Variants in PIWIL3 observed in about 807,000 individuals in gnomAD.
The protein encoded by PIWIL3 is piwi like RNA-mediated gene silencing 3.
PIWIL3 carries 101 observed loss-of-function variants against 109.7 expected under a neutral mutation model. The observed-to-expected ratio is 0.92, with a 90% CI of 0.78 to 1.09. PIWIL3 has a LOEUF of 1.09. Among genes scored for constraint, PIWIL3 ranks in the 50% least tolerant of loss-of-function variants. The pLI, the probability that PIWIL3 is intolerant of heterozygous loss-of-function variation, is 0.00. For synonymous variants in PIWIL3, 373 were observed against 376.4 expected, an observed-to-expected ratio of 0.99 and a Z score of 0.10; for missense variants, 1,031 against 1,072.6, an observed-to-expected ratio of 0.96 and a Z score of 0.54.
At chr22:24,769,340 C>CCATA (rs1925988450) in intron 1 of PIWIL3, among the ~76,000 whole-genome samples, 4 of 152,332 alleles carry the variant, frequency 2.6e-5, no homozygotes, top group Admixed American at 2.6e-4. Context: ...CGGCCAGGCG[C>CCATA]CATAGTTCAT....
At chr22:24,757,327 C>T (rs2147709441) in intron 4 of PIWIL3, among the ~76,000 whole-genome samples, 1 of 151,908 alleles carries the variant, frequency 6.6e-6, no homozygotes, top group East Asian at 1.9e-4. Context: ...AGTCTCACTG[C>T]AGGCCAGGGC....
chr22:24,731,758 G>T (rs1923363913), intron 14 of PIWIL3, among the ~76,000 whole-genome samples: 2 of 151,756 alleles, frequency 1.3e-5, no homozygotes, highest in Admixed American at 1.3e-4. Flanking sequence ...TTGTAATTTT[G>T]AGTTGGTCTG....
chr22:24,769,338 C>T (rs528421024), intron 1 of PIWIL3, among the ~76,000 whole-genome samples: 3 of 152,304 alleles, frequency 2.0e-5, no homozygotes, highest in South Asian at 4.1e-4. Context: ...CACGGCCAGG[C>T]GCCATAGTTC....
chr22:24,762,279 T>C, intron 2 of PIWIL3, 119 bp downstream of exon 2: 1 of 1,423,580 alleles, frequency 7.0e-7, no homozygotes, highest in Non-Finnish European at 9.2e-7. Context: ...TCTTATGAAC[T>C]TTTATTAGTC....
At chr22:24,722,326 C>T (rs1004947787) in intron 19 of PIWIL3, among the ~76,000 whole-genome samples, 1 of 152,138 alleles carries the variant, frequency 6.6e-6, no homozygotes, top group African/African-American at 2.4e-5. Context: ...TCGTGATCTG[C>T]CCGCCTTGGC....
At chr22:24,729,461 T>C (rs1923206051) in intron 14 of PIWIL3, among the ~76,000 whole-genome samples, 1 of 152,186 alleles carries the variant, frequency 6.6e-6, no homozygotes, top group Non-Finnish European at 1.5e-5. Flanking sequence ...CTGAAATAAG[T>C]AGTAGTATCC....
At chr22:24,768,217 TTTGTTGTTGTTTTTTGTTG>T (rs1271325261) in intron 1 of PIWIL3, among the ~76,000 whole-genome samples, 1 of 152,090 alleles carries the variant, frequency 6.6e-6, no homozygotes, top group East Asian at 1.9e-4. Context: ...TTTTTCTTTT[TTTGTTGTTGTTTTTTGTTG>T]TTGTTGTTTG....
intron 12 of PIWIL3, among the ~76,000 whole-genome samples, chr22:24,742,391 A>AT (rs1924060688): frequency 6.6e-6 from 1 of 151,884 alleles, no homozygotes; most frequent in Non-Finnish European, 1.5e-5. Context: ...ACTAGAAAAA[A>AT]AAATCAAAAA....
intron 14 of PIWIL3, among the ~76,000 whole-genome samples, chr22:24,731,192 C>T (rs1923324874): frequency 6.6e-6 from 1 of 152,164 alleles, no homozygotes; most frequent in African/African-American, 2.4e-5. Flanking sequence ...CAGGCCTCCA[C>T]AAACAAGTTT....
intron 20 of PIWIL3, 22 bp from the exon 21 acceptor site, chr22:24,719,610 C>T: frequency 1.3e-6 from 2 of 1,560,330 alleles, no homozygotes; most frequent in Non-Finnish European, 1.7e-6. Flanking sequence ...AAAGAAAATA[C>T]ACAACTAAAT....
At chr22:24,758,286 T>C (rs1192011082) in intron 3 of PIWIL3, among the ~76,000 whole-genome samples, 2 of 152,188 alleles carry the variant, frequency 1.3e-5, no homozygotes, top group Non-Finnish European at 2.9e-5. Flanking sequence ...CCCCATTTCT[T>C]TGGGTATTTG....
chr22:24,749,230 C>A (rs145791031), intron 11 of PIWIL3, among the ~76,000 whole-genome samples, 174 bp downstream of exon 11: 8 of 151,996 alleles, frequency 5.3e-5, no homozygotes, highest in African/African-American at 9.7e-5. Context: ...ATTCTTCCCC[C>A]CCGGCCTCCT....
intron 1 of PIWIL3, 104 bp from the exon 2 acceptor site, chr22:24,762,625 G>A (rs536923231): frequency 5.9e-5 from 59 of 995,560 alleles, no homozygotes; most frequent in South Asian, 4.7e-4. Context: ...ATTTATAAAG[G>A]AAGAGGTGTG....
At chr22:24,727,924 A>C (rs1923090848) in intron 16 of PIWIL3, 26 bp downstream of exon 16, 1 of 1,565,732 alleles carries the variant, frequency 6.4e-7, no homozygotes, top group African/African-American at 1.4e-5. Context: ...GCTACTAACT[A>C]AACATGTCTA....
intron 4 of PIWIL3, 46 bp from the exon 5 acceptor site, chr22:24,756,751 C>A: frequency 6.7e-7 from 1 of 1,501,202 alleles, no homozygotes; most frequent in Non-Finnish European, 9.2e-7. Flanking sequence ...ACTGATTGGG[C>A]CCAAAACAAA....
Position 24,728,054 on chromosome 22 carries a change from CTTAAGT to C in PIWIL3, c.1906-7_1906-2del, listed in dbSNP as rs371202624. On this transcript the variant is annotated splice_acceptor_variant and splice_polypyrimidine_tract_variant and intron_variant, in intron 15 of 20. Coordinates refer to ENST00000616349, the MANE Select transcript of PIWIL3 (RefSeq NM_001255975.1). LOFTEE classifies it high-confidence loss of function. ...TGCCAACGAACATTGTTCTTTGTACCTTAAGTTTGTTTTTGAAAAGGTAATGGAGTT... is the reference window on the plus strand; with the variant it reads ...TGCCAACGAACATTGTTCTTTGTACCTTGTTTTTGAAAAGGTAATGGAGTT... The C allele has an allele frequency of 3.8e-4, 612 of 1,613,254 alleles. 3 individuals carry two copies. In the African/African-American group the frequency reaches 7.3e-3, roughly 19 times the overall value.
At position 24,760,780 on chromosome 22, in the gene PIWIL3, C is replaced by CAAAAAAAAAAAAAAAAAAAAAAAAAAAA. The variant is rs61469163; in HGVS notation, c.103-792_103-791insTTTTTTTTTTTTTTTTTTTTTTTTTTTT. Among the ~76,000 whole-genome samples, 20 of 41,022 alleles carry CAAAAAAAAAAAAAAAAAAAAAAAAAAAA rather than the reference C, an allele frequency of 4.9e-4. 1 individual carries two copies. Among genetic ancestry groups the CAAAAAAAAAAAAAAAAAAAAAAAAAAAA allele is most frequent in the Admixed American group, 6.1e-4 (2 of 3,270 alleles). 26.9% of individuals were successfully genotyped at this position (41,022 alleles called of 152,430 possible). On this transcript the variant is annotated intron_variant, in intron 2 of 20. Coordinates refer to ENST00000616349, the MANE Select transcript of PIWIL3 (RefSeq NM_001255975.1). ...GGGCAACAAGAGCGAAACTCTGTCT[C>CAAAAAAAAAAAAAAAAAAAAAAAAAAAA]AAAAAAAAAAAAAAAAAAAAAAAGC... is the stretch of plus-strand genomic sequence containing the variant.
At chr22:24,770,556 C>T (rs1214954226) in intron 1 of PIWIL3, among the ~76,000 whole-genome samples, 1 of 151,236 alleles carries the variant, frequency 6.6e-6, no homozygotes, top group Non-Finnish European at 1.5e-5. Context: ...GGCACAGTGG[C>T]TCATGCCTGT....
intron 3 of PIWIL3, among the ~76,000 whole-genome samples, chr22:24,758,442 C>T (rs1274296807): frequency 2.6e-5 from 4 of 152,222 alleles, no homozygotes; most frequent in African/African-American, 7.2e-5. Context: ...CAAAACTGAT[C>T]TATCCTTTCT....
Sources: allele counts gnomAD v4.1 joint callset (sites outside exome capture counted in the v4.1 genomes callset), GRCh38; gene constraint gnomAD v4.1.1; transcripts MANE v1.5; gene names NCBI Gene and HGNC (gene_info 2026-07-23, HGNC 2026-07-21).